Variants in MCTP1 observed in about 807,000 individuals in gnomAD.
The protein encoded by MCTP1 is multiple C2 and transmembrane domain-containing protein 1.
MCTP1 carries 69 observed loss-of-function variants against 120.6 expected under a neutral mutation model. That is an observed-to-expected ratio of 0.57 (90% CI 0.47 to 0.70). The LOEUF (loss-of-function observed/expected upper bound fraction) is 0.70. Ranked by LOEUF, MCTP1 falls within the 30% of genes least tolerant of loss-of-function variation. MCTP1 has a pLI of 0.00. For missense variants in MCTP1, 1,203 were observed against 1,248.8 expected, an observed-to-expected ratio of 0.96 and a Z score of 0.55; for synonymous variants, 529 against 493.1, an observed-to-expected ratio of 1.07 and a Z score of -0.96.
At chr5:94,879,609 TTAAAAA>T (rs1386206598) in intron 12 of MCTP1, among the ~76,000 whole-genome samples, 12 of 152,098 alleles carry the variant, frequency 7.9e-5, no homozygotes, top group Non-Finnish European at 1.2e-4. Flanking sequence ...AATGAAAACA[TTAAAAA>T]TATTTATTAA....
At chr5:94,781,054 C>A (rs1487846103) in intron 18 of MCTP1, among the ~76,000 whole-genome samples, 1 of 151,894 alleles carries the variant, frequency 6.6e-6, no homozygotes, top group Non-Finnish European at 1.5e-5. Context: ...GAAGAATTCA[C>A]CTAACACTTG....
chr5:94,777,511 AG>A (rs2152928994), intron 19 of MCTP1, among the ~76,000 whole-genome samples: 1 of 152,274 alleles, frequency 6.6e-6, no homozygotes, highest in South Asian at 2.1e-4. Flanking sequence ...GACTTCACTA[AG>A]GGTTTCCATT....
At chr5:95,113,182 C>A (rs72779444) in intron 1 of MCTP1, among the ~76,000 whole-genome samples, 7,902 of 151,966 alleles carry the variant, frequency 0.052, 264 homozygotes, top group Non-Finnish European at 0.078. Flanking sequence ...ATTAAAGCAG[C>A]CTCTATAACT....
intron 1 of MCTP1, among the ~76,000 whole-genome samples, chr5:95,132,604 A>T (rs369727798): frequency 1.5e-4 from 23 of 152,298 alleles, no homozygotes; most frequent in African/African-American, 5.3e-4. Flanking sequence ...TCGGCTCTGC[A>T]GTCCCGCGAC....
intron 12 of MCTP1, among the ~76,000 whole-genome samples, chr5:94,881,602 GGT>G (rs547990382): frequency 1.3e-5 from 2 of 151,136 alleles, no homozygotes; most frequent in Admixed American, 6.6e-5. Flanking sequence ...TTTACAAGCT[GGT>G]GTGTGTGTGT....
At chr5:95,081,411 CA>C in intron 1 of MCTP1, 1 of 1,608,658 alleles carries the variant, frequency 6.2e-7, no homozygotes, top group Non-Finnish European at 8.5e-7. Context: ...GTGAGTAAAC[CA>C]AAATGTTACT....
At chr5:94,791,102 G>A (rs1297119255) in intron 18 of MCTP1, among the ~76,000 whole-genome samples, 24 of 113,802 alleles carry the variant, frequency 2.1e-4, no homozygotes, top group Admixed American at 1.1e-3. Flanking sequence ...GCGAAATCCC[G>A]TCTCTACTAC....
chr5:95,190,487 G>A (rs1158213151), intron 1 of MCTP1, among the ~76,000 whole-genome samples: 1 of 151,938 alleles, frequency 6.6e-6, no homozygotes, highest in East Asian at 1.9e-4. Flanking sequence ...CTTCCTTTTA[G>A]ATATCTATAT....
At chr5:95,239,878 A>G (rs1348145621) in intron 1 of MCTP1, among the ~76,000 whole-genome samples, 1 of 151,828 alleles carries the variant, frequency 6.6e-6, no homozygotes, top group Non-Finnish European at 1.5e-5. Context: ...CACATTTTTA[A>G]TTTTTTTATT....
rs566627080 is a variant in MCTP1, at chr5:94,980,208, C to T, written c.839-26847G>A. On this transcript the variant is annotated intron_variant, in intron 2 of 22. Coordinates refer to ENST00000515393, the MANE Select transcript of MCTP1 (RefSeq NM_024717.7). ...TTTATAATCTTTTAATTGTTTTCCC[C>T]CTACTTTAACAACAGCAGCAAAGCA... Among the ~76,000 whole-genome samples the T allele has an allele frequency of 4.3e-3, 655 of 152,142 alleles. 1 individual carries two copies. The highest frequency in any genetic ancestry group is 6.5e-3 in the Non-Finnish European group (440 of 67,982).
At chr5:94,790,696 T>C (rs1778703611) in intron 18 of MCTP1, among the ~76,000 whole-genome samples, 2 of 152,166 alleles carry the variant, frequency 1.3e-5, no homozygotes, top group African/African-American at 4.8e-5. Flanking sequence ...GTGGGCTCAC[T>C]TAACCTCTTA....
intron 2 of MCTP1, among the ~76,000 whole-genome samples, chr5:94,959,945 A>C (rs904113011): frequency 3.9e-5 from 6 of 152,222 alleles, no homozygotes; most frequent in Non-Finnish European, 7.3e-5. Flanking sequence ...GAACCAAAAA[A>C]GAGCCTGTGT....
Position 94,704,311 on chromosome 5 carries a change from G to A in MCTP1, c.*3185C>T, listed in dbSNP as rs2152505888. On this transcript the variant is annotated 3_prime_UTR_variant, in exon 23 of 23. Coordinates refer to ENST00000515393, the MANE Select transcript of MCTP1 (RefSeq NM_024717.7). The stretch of plus-strand genomic sequence containing the variant: ...TTTTTCAAGAAGTATAATGGTAGCT[G>A]TCTTTACTTGTATTTCTGGAGCAAA... 1 of 151,680 alleles carries A rather than the reference G, an allele frequency of 6.6e-6. No individual in the cohort carries two copies. Among genetic ancestry groups the A allele is most frequent in the South Asian group, 2.1e-4 (1 of 4,814 alleles). 9.4% of individuals were successfully genotyped at this position (151,680 alleles called of 1,614,324 possible).
intron 1 of MCTP1, among the ~76,000 whole-genome samples, chr5:95,077,710 G>A (rs550233906): frequency 6.6e-6 from 1 of 152,246 alleles, no homozygotes; most frequent in South Asian, 2.1e-4. Context: ...CTGACCTCGT[G>A]ATCCGCCCAC....
At chr5:94,852,169 A>G (rs1447467590) in intron 17 of MCTP1, among the ~76,000 whole-genome samples, 1 of 151,978 alleles carries the variant, frequency 6.6e-6, no homozygotes, top group African/African-American at 2.4e-5. Flanking sequence ...ATTAATATTT[A>G]ATTCATCTAA....
chr5:94,756,601 A>T (rs116796134), intron 19 of MCTP1, among the ~76,000 whole-genome samples: 1 of 152,316 alleles, frequency 6.6e-6, no homozygotes, highest in Non-Finnish European at 1.5e-5. Context: ...TAGCAATAGT[A>T]GATGCAATTC....
chr5:95,064,091 A>G (rs1056478879), intron 1 of MCTP1, among the ~76,000 whole-genome samples: 3 of 152,270 alleles, frequency 2.0e-5, no homozygotes, highest in African/African-American at 7.2e-5. Flanking sequence ...TTCGTGTCTT[A>G]AAGTCTAGCT....
chr5:94,868,173 C>G (rs753122720), intron 17 of MCTP1, 160 bp downstream of exon 17: 8 of 544,320 alleles, frequency 1.5e-5, no homozygotes, highest in Admixed American at 4.1e-5. Flanking sequence ...CTTGTACAAT[C>G]CATCAGGTTC....
intron 19 of MCTP1, among the ~76,000 whole-genome samples, chr5:94,753,585 T>C (rs1769023300): frequency 6.6e-6 from 1 of 152,248 alleles, no homozygotes; most frequent in Non-Finnish European, 1.5e-5. Context: ...GCTTCTGTAA[T>C]AATTACAGTG....
Sources: gnomAD v4.1 joint callset for allele counts (sites outside exome capture counted in the v4.1 genomes callset) on GRCh38, gnomAD v4.1.1 for gene constraint, MANE v1.5 for transcripts, NCBI Gene and HGNC (gene_info 2026-07-23, HGNC 2026-07-21) for gene names.